The following SH3BGRL2 variants were observed in gnomAD, a reference collection of about 807,000 sequenced individuals.
SH3BGRL2 encodes the protein SH3 domain binding glutamate rich protein like 2.
Under a neutral mutation model 14.8 loss-of-function variants are expected in SH3BGRL2, and 21 were observed. That is an observed-to-expected ratio of 1.42 (90% CI 1.01 to 2.05). The LOEUF (loss-of-function observed/expected upper bound fraction) is 2.05. SH3BGRL2 is among the 30% of genes most tolerant of loss of function. The pLI is 0.00. For missense variants in SH3BGRL2, 147 were observed against 130.8 expected (o/e 1.12, Z -0.61); for synonymous variants, 50 against 47.8 (o/e 1.05, Z -0.19).
intron 2 of SH3BGRL2, among the ~76,000 whole-genome samples, chr6:79,678,374 C>T (rs747509934): frequency 2.6e-5 from 4 of 152,158 alleles, no homozygotes; most frequent in East Asian, 3.8e-4. Flanking sequence ...TTCAACTAAG[C>T]GGAATCACAC....
chr6:79,631,370 G>C lies in SH3BGRL2; in HGVS notation c.-92G>C, dbSNP rs1051566378. 8.6e-5 allele frequency: 104 copies of C among 1,202,720 alleles called. No individual in the cohort carries two copies. The highest frequency in any genetic ancestry group is 1.2e-4 in the Non-Finnish European group (104 of 901,740). The allele number at this position is 1,202,720 out of a possible 1,614,324, so 74.5% of individuals were successfully genotyped here. A position where few individuals can be genotyped will look rare whatever the true frequency, so the allele number is the denominator to read the frequency against. ...CCCCGACGGCAGCGCTTTACCCAGA[G>C]GCTGCCGGCGGCTCGTAGCTGGGTT... is the stretch of plus-strand genomic sequence containing the variant. On this transcript the variant is annotated 5_prime_UTR_variant, in exon 1 of 4. Coordinates refer to ENST00000369838, the MANE Select transcript of SH3BGRL2 (RefSeq NM_031469.4).
the SH3BGRL2 span, among the ~76,000 whole-genome samples, chr6:79,600,578 C>T: frequency 6.6e-6 from 1 of 152,122 alleles, no homozygotes; most frequent in East Asian, 1.9e-4. Context: ...GTCTCCTGCC[C>T]CACAGAACCA....
At chr6:79,575,958 G>A in the SH3BGRL2 span, among the ~76,000 whole-genome samples, 4 of 150,932 alleles carry the variant, frequency 2.7e-5, no homozygotes, top group Admixed American at 2.0e-4. Context: ...ATGTTTATAA[G>A]TTTTTTTTTC....
rs180921265 is a variant in SH3BGRL2 at position 79,658,768 on chromosome 6, A to G, written c.46-14846A>G. Among the ~76,000 whole-genome samples, 1,288 of 152,326 alleles carry G rather than the reference A, an allele frequency of 8.5e-3. 18 individuals are homozygous for G. Among genetic ancestry groups the G allele is most frequent in the African/African-American group, 0.03 (1,230 of 41,570 alleles). The stretch of plus-strand genomic sequence containing the variant: ...ATTTACACTCCCACCAACAGTGTAA[A>G]AGCGTTCCTATTTCTCCATATCCTC... On this transcript the variant is annotated intron_variant, in intron 1 of 3. Coordinates refer to ENST00000369838, the MANE Select transcript of SH3BGRL2 (RefSeq NM_031469.4).
rs1396333520 is a variant in SH3BGRL2 at position 79,702,241 on chromosome 6, T to C, written c.*2732T>C. 8 of 152,778 alleles carry C rather than the reference T, an allele frequency of 5.2e-5. No individual in the cohort carries two copies. In the East Asian group the frequency reaches 1.5e-3, roughly 29 times the overall value. The allele number at this position is 152,778 out of a possible 1,614,324, so 9.5% of individuals were successfully genotyped here. On this transcript the variant is annotated 3_prime_UTR_variant, in exon 4 of 4. Transcript: ENST00000369838. ...TCCACATAGATGTTTTTATATTACA[T>C]GAATTTAATAATAAACTAAACTTTT...
intron 2 of SH3BGRL2, among the ~76,000 whole-genome samples, chr6:79,680,305 T>C (rs1769964055): frequency 6.6e-6 from 1 of 152,182 alleles, no homozygotes; most frequent in African/African-American, 2.4e-5. Context: ...TGCATGTAGA[T>C]ACCCAGTTTT....
intron 2 of SH3BGRL2, among the ~76,000 whole-genome samples, chr6:79,696,057 C>T (rs368786589): frequency 6.6e-6 from 1 of 152,070 alleles, no homozygotes; most frequent in African/African-American, 2.4e-5. Context: ...ACATGGAGAC[C>T]TTTACAGCTT....
At chr6:79,552,585 C>T in the SH3BGRL2 span, among the ~76,000 whole-genome samples, 1 of 152,150 alleles carries the variant, frequency 6.6e-6, no homozygotes, top group Non-Finnish European at 1.5e-5. Flanking sequence ...TCTGACCTCC[C>T]ATCCTGTCCT....
the SH3BGRL2 span, among the ~76,000 whole-genome samples, chr6:79,562,427 C>A: frequency 6.6e-6 from 1 of 152,192 alleles, no homozygotes; most frequent in East Asian, 1.9e-4. Flanking sequence ...CTAACTAACT[C>A]CTAGGTCATT....
chr6:79,677,121 C>T (rs528931589), intron 2 of SH3BGRL2, among the ~76,000 whole-genome samples: 2 of 152,158 alleles, frequency 1.3e-5, no homozygotes, highest in Non-Finnish European at 2.9e-5. Context: ...GGCAACTAAC[C>T]ACAGGCCTTG....
the SH3BGRL2 span, among the ~76,000 whole-genome samples, chr6:79,572,467 A>ATTTTATTTTAT: frequency 1.4e-5 from 2 of 144,752 alleles, no homozygotes; most frequent in Non-Finnish European, 3.1e-5. Context: ...ATTTTATTTT[A>ATTTTATTTTAT]TTTATTTATT....
chr6:79,644,647 G>A (rs1769092352), intron 1 of SH3BGRL2, among the ~76,000 whole-genome samples: 1 of 152,108 alleles, frequency 6.6e-6, no homozygotes, highest in South Asian at 2.1e-4. Context: ...TTATGGATCT[G>A]ATACTCTAAT....
chr6:79,671,077 T>C (rs181937112), intron 1 of SH3BGRL2, among the ~76,000 whole-genome samples: 5 of 152,218 alleles, frequency 3.3e-5, no homozygotes, highest in South Asian at 4.2e-4. Flanking sequence ...GGGAGATTGG[T>C]TACTGGGTAA....
chr6:79,567,953 G>A, the SH3BGRL2 span, among the ~76,000 whole-genome samples: 1 of 152,012 alleles, frequency 6.6e-6, no homozygotes. Flanking sequence ...TCACAGAAGA[G>A]GAAAAACCAA....
At chr6:79,612,358 C>T in the SH3BGRL2 span, among the ~76,000 whole-genome samples, 4 of 152,130 alleles carry the variant, frequency 2.6e-5, no homozygotes, top group African/African-American at 9.7e-5. Flanking sequence ...CAAACATGTG[C>T]AATGTATTAA....
chr6:79,631,335 C>A lies in SH3BGRL2; in HGVS notation c.-127C>A. Reference sequence around the variant, plus strand: ...GACCCGCCGGGAGGGAGCCAGATCCCAGCGATCTTCCCCGACGGCAGCGCT... The same window carrying A: ...GACCCGCCGGGAGGGAGCCAGATCCAAGCGATCTTCCCCGACGGCAGCGCT... On this transcript the variant is annotated 5_prime_UTR_variant, in exon 1 of 4. Coordinates refer to ENST00000369838, the MANE Select transcript of SH3BGRL2 (RefSeq NM_031469.4). 1 of 842,054 alleles carries A rather than the reference C, an allele frequency of 1.2e-6. No individual in the cohort carries two copies. The highest frequency in any genetic ancestry group is 1.7e-6 in the Non-Finnish European group (1 of 600,048). 52.2% of individuals were successfully genotyped at this position (842,054 alleles called of 1,614,324 possible).
chr6:79,601,960 G>A, the SH3BGRL2 span, among the ~76,000 whole-genome samples: 1 of 151,882 alleles, frequency 6.6e-6, no homozygotes, highest in African/African-American at 2.4e-5. Flanking sequence ...AAACAAATAT[G>A]CTAGCTTAGT....
the SH3BGRL2 span, among the ~76,000 whole-genome samples, chr6:79,612,873 G>A: frequency 2.0e-5 from 3 of 152,178 alleles, no homozygotes; most frequent in African/African-American, 7.2e-5. Context: ...AGTGGGATGT[G>A]CACAGAATAT....
chr6:79,637,340 A>G (rs1414583750), intron 1 of SH3BGRL2, among the ~76,000 whole-genome samples: 1 of 152,332 alleles, frequency 6.6e-6, no homozygotes, highest in African/African-American at 2.4e-5. Context: ...TACTTTAAGC[A>G]TTTCAATCTA....
Sources: gnomAD v4.1 joint callset for allele counts (sites outside exome capture counted in the v4.1 genomes callset) on GRCh38, gnomAD v4.1.1 for gene constraint, MANE v1.5 for transcripts, NCBI Gene and HGNC (gene_info 2026-07-23, HGNC 2026-07-21) for gene names.